The following CCNJL variants were observed in gnomAD, a reference collection of about 807,000 sequenced individuals.
The protein encoded by CCNJL is cyclin-J-like protein.
A neutral mutation model predicts 33.4 loss-of-function variants in CCNJL; 33 were observed. That is an observed-to-expected ratio of 0.99 (90% CI 0.75 to 1.32). The LOEUF (loss-of-function observed/expected upper bound fraction) is 1.32, where lower values mean the gene tolerates loss of function less well. Ranked by LOEUF, CCNJL falls within the 40% of genes most tolerant of loss-of-function variation. The pLI, the probability that CCNJL is intolerant of heterozygous loss-of-function variation, is 0.00. For missense variants in CCNJL, 512 were observed against 499.7 expected (o/e 1.02, Z -0.23); for synonymous variants, 227 against 220.9 (o/e 1.03, Z -0.24).
At chr5:160,283,715 T>C (rs2113366888) in intron 2 of CCNJL, among the ~76,000 whole-genome samples, 1 of 152,320 alleles carries the variant, frequency 6.6e-6, no homozygotes, top group Non-Finnish European at 1.5e-5. Flanking sequence ...GTATGTCTTA[T>C]TCATTCTTTA....
At chr5:160,337,217 T>C (rs113332818) in intron 1 of CCNJL, among the ~76,000 whole-genome samples, 20 of 150,828 alleles carry the variant, frequency 1.3e-4, no homozygotes, top group Non-Finnish European at 2.5e-4. Flanking sequence ...GTTTTCACCA[T>C]GTTGCCCAGG....
chr5:160,303,497 C>T (rs1762989383), intron 2 of CCNJL, among the ~76,000 whole-genome samples: 1 of 150,240 alleles, frequency 6.7e-6, no homozygotes, highest in Non-Finnish European at 1.5e-5. Context: ...TAAGCCACTG[C>T]ACTCGGCCGG....
intron 4 of CCNJL, among the ~76,000 whole-genome samples, chr5:160,259,234 A>T (rs1313629571): frequency 1.3e-5 from 2 of 152,236 alleles, no homozygotes; most frequent in Non-Finnish European, 2.9e-5. Context: ...GTTGATCTGT[A>T]AGTTTCTAGG....
At chr5:160,317,750 T>C (rs941694403), upstream of CCNJL, among the ~76,000 whole-genome samples, 2 of 152,122 alleles carry the variant, frequency 1.3e-5, no homozygotes, top group African/African-American at 4.8e-5. Context: ...AGTACAACAA[T>C]GGGATGGCTT....
chr5:160,278,808 G>A (rs1353221941), intron 3 of CCNJL, among the ~76,000 whole-genome samples: 3 of 152,214 alleles, frequency 2.0e-5, no homozygotes, highest in East Asian at 3.9e-4. Context: ...AGGCCGTGGC[G>A]CAAATTTCTC....
chr5:160,311,550 G>A (rs898954327), intron 2 of CCNJL, among the ~76,000 whole-genome samples: 1 of 152,134 alleles, frequency 6.6e-6, no homozygotes, highest in East Asian at 1.9e-4. Context: ...TTCACGTACG[G>A]TTTAAAATAA....
At chr5:160,319,588 T>C (rs1258364270) in intron 1 of CCNJL, among the ~76,000 whole-genome samples, 1 of 152,128 alleles carries the variant, frequency 6.6e-6, no homozygotes, top group African/African-American at 2.4e-5. Context: ...CCCCAACATC[T>C]AGCCCAGTGC....
At chr5:160,281,821 T>C (rs539768738) in intron 2 of CCNJL, among the ~76,000 whole-genome samples, 1 of 151,900 alleles carries the variant, frequency 6.6e-6, no homozygotes, top group Non-Finnish European at 1.5e-5. Flanking sequence ...CAGCTAATTG[T>C]TTTTGTATTT....
intron 3 of CCNJL, among the ~76,000 whole-genome samples, chr5:160,267,718 A>C (rs911894201): frequency 6.6e-6 from 1 of 152,084 alleles, no homozygotes; most frequent in African/African-American, 2.4e-5. Context: ...ATTTTGAAAA[A>C]ATTTTTAAAA....
In CCNJL at chr5:160,257,214, G is replaced by T. The variant is rs1176766280; in HGVS notation, c.584-1506C>A. Among the ~76,000 whole-genome samples the T allele has an allele frequency of 5.9e-5, 9 of 151,906 alleles. No homozygotes were observed. The East Asian group carries it at 1.4e-3, about 23-fold the overall frequency. On this transcript the variant is annotated intron_variant, in intron 4 of 5. Coordinates refer to ENST00000257536, the MANE Select transcript of CCNJL (RefSeq NM_001308173.3). ...AAATTGGCCGGGTGCAGTGGTTCAC[G>T]CCTGTAATCCCAGCACTTTGGGAGG...
chr5:160,335,995 A>G (rs1240879500), intron 1 of CCNJL, among the ~76,000 whole-genome samples: 2 of 152,060 alleles, frequency 1.3e-5, no homozygotes, highest in South Asian at 2.1e-4. Flanking sequence ...CCACAATCCA[A>G]ATACCAGAGT....
chr5:160,280,482 G>A (rs1762168579), intron 3 of CCNJL, 43 bp downstream of exon 3: 2 of 1,486,304 alleles, frequency 1.3e-6, no homozygotes, highest in Admixed American at 1.7e-5. Context: ...CTGAGCGGGA[G>A]GAGACCGCAC....
chr5:160,253,197 T>G lies in CCNJL; in HGVS notation c.*181A>C. 2.0e-6 allele frequency: 1 copy of G among 510,684 alleles called. No individual in the cohort carries two copies. 31.6% of individuals were successfully genotyped at this position (510,684 alleles called of 1,614,324 possible). On this transcript the variant is annotated 3_prime_UTR_variant, in exon 6 of 6. Transcript: ENST00000257536. ...CGTTTCTCAGAGGAATGCTCTCGGG[T>G]GAGGTATGTTATTGAATGTTTTGCT...
At chr5:160,258,318 C>A in intron 4 of CCNJL, 1 of 754,908 alleles carries the variant, frequency 1.3e-6, no homozygotes, top group Admixed American at 1.8e-5. Context: ...AATGGTATTA[C>A]AACGCCACAG....
At chr5:160,254,127 A>T in intron 5 of CCNJL, 1 of 463,704 alleles carries the variant, frequency 2.2e-6, no homozygotes, top group East Asian at 3.3e-5. Flanking sequence ...ACTTCTAGTT[A>T]CCTGGCTTCC....
intron 2 of CCNJL, among the ~76,000 whole-genome samples, chr5:160,293,912 A>G (rs1018775536): frequency 6.6e-6 from 1 of 152,104 alleles, no homozygotes; most frequent in African/African-American, 2.4e-5. Context: ...AACACCAGCC[A>G]CCAAGAGAAA....
At position 160,251,436 on chromosome 5, in the gene CCNJL, CG is replaced by C. The variant is rs2113178301; in HGVS notation, c.*1941del. The C allele has an allele frequency of 6.6e-6, 1 of 152,362 alleles. No homozygotes were observed. The highest frequency in any genetic ancestry group is 2.4e-5 in the African/African-American group (1 of 41,594). 9.4% of individuals were successfully genotyped at this position (152,362 alleles called of 1,614,324 possible). ...TGGTTTCTTTGGAAAAACCCTGAGACGGTGATGGAGCTGGGGTGTCAAGCCT... is the reference window on the plus strand; with the variant it reads ...TGGTTTCTTTGGAAAAACCCTGAGACGTGATGGAGCTGGGGTGTCAAGCCT... On this transcript the variant is annotated 3_prime_UTR_variant, in exon 6 of 6. Transcript: ENST00000257536.
At chr5:160,262,895 C>T (rs1245906721) in intron 3 of CCNJL, among the ~76,000 whole-genome samples, 1 of 152,260 alleles carries the variant, frequency 6.6e-6, no homozygotes, top group African/African-American at 2.4e-5. Context: ...CACCGTTACT[C>T]AGCTGCTTCC....
intron 1 of CCNJL, among the ~76,000 whole-genome samples, chr5:160,325,408 A>G (rs56001354): frequency 0.029 from 4,352 of 152,158 alleles, 194 homozygotes; most frequent in African/African-American, 0.098. Context: ...GTCAAAATGA[A>G]TATTTCTGGT....
Sources: allele counts gnomAD v4.1 joint callset (sites outside exome capture counted in the v4.1 genomes callset), GRCh38; gene constraint gnomAD v4.1.1; transcripts MANE v1.5; gene names NCBI Gene and HGNC (gene_info 2026-07-23, HGNC 2026-07-21).